PCDHGA2: variants seen among roughly 807,000 people sequenced by gnomAD.
PCDHGA2 encodes the protein protocadherin gamma subfamily A, 2.
In PCDHGA2, 40 loss-of-function variants were observed where a neutral mutation model predicts 59.2. That is an observed-to-expected ratio of 0.68 (90% CI 0.52 to 0.88). The LOEUF (loss-of-function observed/expected upper bound fraction) is 0.88, where lower values mean the gene tolerates loss of function less well. PCDHGA2 is among the 40% of genes least tolerant of loss of function. The pLI, the probability that PCDHGA2 is intolerant of heterozygous loss-of-function variation, is 0.00. For missense variants in PCDHGA2, 1,226 were observed against 1,204.0 expected, an observed-to-expected ratio of 1.02 and a Z score of -0.27; for synonymous variants, 560 against 526.0, an observed-to-expected ratio of 1.06 and a Z score of -0.89.
In PCDHGA2 at chr5:141,340,664, C is replaced by A. The variant is rs768925522; in HGVS notation, c.1693C>A (p.Pro565Thr). ...CGACAACGCGCCCGAGATCCTGTACCCTGCCTTCCCCACAGACGGTTCCAC... is the reference window on the plus strand; with the variant it reads ...CGACAACGCGCCCGAGATCCTGTACACTGCCTTCCCCACAGACGGTTCCAC... ...QNDNAPEILYPAFPTDGSTGV... is the reference protein window; with the variant it reads ...QNDNAPEILYTAFPTDGSTGV... Residue 565 changes from proline to threonine, a missense_variant, in exon 1 of 4, where the codon CCT becomes ACT. Coordinates refer to ENST00000394576, the MANE Select transcript of PCDHGA2 (RefSeq NM_018915.4). 7.4e-6 allele frequency: 12 copies of A among 1,614,230 alleles called. No individual in the cohort carries two copies. Among genetic ancestry groups the A allele is most frequent in the Non-Finnish European group, 1.0e-5 (12 of 1,180,046 alleles).
intron 1 of PCDHGA2, chr5:141,430,441 C>A (rs1168234012): frequency 5.2e-6 from 1 of 192,346 alleles, no homozygotes; most frequent in Non-Finnish European, 1.0e-5. Flanking sequence ...GATTTCCATC[C>A]CCTTTTGAAG....
chr5:141,355,835 T>A (rs971104967), intron 1 of PCDHGA2: 1 of 1,612,476 alleles, frequency 6.2e-7, no homozygotes, highest in Non-Finnish European at 8.5e-7. Context: ...CACCTCGTTC[T>A]CACGGCCTTC....
intron 1 of PCDHGA2, among the ~76,000 whole-genome samples, chr5:141,443,654 G>A (rs2098397947): frequency 6.6e-6 from 1 of 152,150 alleles, no homozygotes; most frequent in Non-Finnish European, 1.5e-5. Context: ...TGTTAGCATA[G>A]CATTTTACTG....
intron 1 of PCDHGA2, chr5:141,341,733 T>C (rs1237128733): frequency 8.8e-6 from 4 of 455,160 alleles, no homozygotes; most frequent in Non-Finnish European, 1.1e-5. Flanking sequence ...AATTTTTTCT[T>C]TGTTAAAAAT....
chr5:141,477,752 G>C lies in PCDHGA2; in HGVS notation c.2425-17055G>C. On this transcript the variant is annotated intron_variant, in intron 1 of 3. Coordinates refer to ENST00000394576, the MANE Select transcript of PCDHGA2 (RefSeq NM_018915.4). This position sits in a 1 kb window ranked among gnomAD's most constrained non-coding sequence, Gnocchi z 4.9. ...TCATATCAGCGATGGGGGCACCCCG[G>C]TCCTAGCCACCAACATCAGCGTGAA... The C allele has an allele frequency of 6.2e-7, 1 of 1,613,868 alleles. No homozygotes were observed.
At chr5:141,384,730 G>A (rs752038561) in intron 1 of PCDHGA2, 2 of 1,614,092 alleles carry the variant, frequency 1.2e-6, no homozygotes, top group East Asian at 2.2e-5. Context: ...CCTGCTTAAG[G>A]CCAGCGAGCC....
At chr5:141,388,401 A>G (rs1243768242) in intron 1 of PCDHGA2, 1 of 1,613,908 alleles carries the variant, frequency 6.2e-7, no homozygotes, top group Non-Finnish European at 8.5e-7. Context: ...TTACCAACTC[A>G]GTCCCAGTGA....
At chr5:141,413,748 T>G (rs1264580781) in intron 1 of PCDHGA2, 1 of 1,613,288 alleles carries the variant, frequency 6.2e-7, no homozygotes, top group Admixed American at 1.7e-5. Flanking sequence ...GCCGTGCCAA[T>G]GGCGTCAAGT....
intron 1 of PCDHGA2, among the ~76,000 whole-genome samples, chr5:141,363,020 A>G (rs538916334): frequency 6.6e-6 from 1 of 152,380 alleles, no homozygotes; most frequent in South Asian, 2.1e-4. Flanking sequence ...CATGGGTAGG[A>G]CATTGTCCCA....
At chr5:141,441,734 G>GAT in intron 1 of PCDHGA2, 1 of 364,808 alleles carries the variant, frequency 2.7e-6, no homozygotes, top group South Asian at 2.2e-5. Context: ...ACCAGGACTA[G>GAT]CTCGCGCTCG....
rs759642890 is a variant in PCDHGA2 at position 141,389,812 on chromosome 5, C to A, written c.2424+48417C>A. ...GCCGTCCGCCAGCGCCTTCTGGTCG[C>A]CGTGCGTGACGGTGGACAGCCACCA... On this transcript the variant is annotated intron_variant, in intron 1 of 3. Transcript: ENST00000394576. 6.8e-6 allele frequency: 11 copies of A among 1,613,768 alleles called. No individual in the cohort carries two copies. The South Asian group carries it at 1.2e-4, about 18-fold the overall frequency.
intron 1 of PCDHGA2, among the ~76,000 whole-genome samples, chr5:141,433,818 CA>C (rs2097653666): frequency 7.5e-6 from 1 of 133,558 alleles, no homozygotes; most frequent in African/African-American, 2.9e-5. Flanking sequence ...GCCTGGGCAA[CA>C]AGAGTGAAAC....
rs760591099 is a variant in PCDHGA2, at chr5:141,345,468, C to G, written c.2424+4073C>G. ...CATCTTCTCAGTGACAGCCCAGGAC[C>G]CAGATAGCAACAACAACGCCCGCAT... On this transcript the variant is annotated intron_variant, in intron 1 of 3. Transcript: ENST00000394576. 4.1e-5 allele frequency: 66 copies of G among 1,614,138 alleles called. 2 individuals are homozygous for G. In the Middle Eastern group the frequency reaches 6.3e-3, roughly 153 times the overall value.
chr5:141,490,984 T>TCTG lies in PCDHGA2; in HGVS notation c.2425-3820_2425-3818dup. On this transcript the variant is annotated intron_variant, in intron 1 of 3. Transcript: ENST00000394576. The surrounding 1 kb of genome is among the most constrained non-coding windows in gnomAD (Gnocchi z 5.4). ...CTCAGCCCCCCAGCGTCTCCCTCGCTCTGCTCCTCCTGGCTCCTTGGTCAC... is the reference window on the plus strand; with the variant it reads ...CTCAGCCCCCCAGCGTCTCCCTCGCTCTGCTGCTCCTCCTGGCTCCTTGGTCAC... The TCTG allele has an allele frequency of 1.2e-6, 2 of 1,614,110 alleles. No homozygotes were observed. Among genetic ancestry groups the TCTG allele is most frequent in the Non-Finnish European group, 1.7e-6 (2 of 1,180,028 alleles).
In PCDHGA2 at chr5:141,380,448, A is replaced by G. The variant is rs145941690; in HGVS notation, c.2424+39053A>G. Among the ~76,000 whole-genome samples, 6 of 152,354 alleles carry G rather than the reference A, an allele frequency of 3.9e-5. No homozygotes were observed. The East Asian group carries it at 1.2e-3, about 29-fold the overall frequency. ...TAGACTTTACATAGAATTCTTTTTA[A>G]TGCAACCAAACAAATGGTCAGGATT... On this transcript the variant is annotated intron_variant, in intron 1 of 3. Coordinates refer to ENST00000394576, the MANE Select transcript of PCDHGA2 (RefSeq NM_018915.4).
chr5:141,355,330 G>GC, intron 1 of PCDHGA2: 1 of 1,614,036 alleles, frequency 6.2e-7, no homozygotes. Context: ...AGAAGGCTCA[G>GC]TGGTGGGCAA....
chr5:141,455,753 G>T (rs2098830630), intron 1 of PCDHGA2, among the ~76,000 whole-genome samples: 1 of 152,074 alleles, frequency 6.6e-6, no homozygotes, highest in Non-Finnish European at 1.5e-5. Flanking sequence ...TGCTGGCCTG[G>T]CTCCTAGAGC....
At chr5:141,393,792 C>A (rs757880855) in intron 1 of PCDHGA2, 1 of 1,613,908 alleles carries the variant, frequency 6.2e-7, no homozygotes, top group Non-Finnish European at 8.5e-7. Flanking sequence ...TGTGGGGGCA[C>A]TTCTGGGGAG....
chr5:141,505,342 T>C (rs2099845433), intron 2 of PCDHGA2, 51 bp from the exon 3 acceptor site: 1 of 1,612,738 alleles, frequency 6.2e-7, no homozygotes, highest in African/African-American at 1.3e-5. Flanking sequence ...AGGAGGGGCA[T>C]GAGCTGTGCC....
Sources: gnomAD v4.1 joint callset for allele counts (sites outside exome capture counted in the v4.1 genomes callset) on GRCh38, gnomAD v4.1.1 for gene constraint, Gnocchi (gnomAD v3.1) non-coding constraint, MANE v1.5 for transcripts, NCBI Gene and HGNC (gene_info 2026-07-23, HGNC 2026-07-21) for gene names.